Variants in FRMD5 observed in about 807,000 individuals in gnomAD.
FRMD5 encodes the protein FERM domain containing 5.
FRMD5 carries 20 observed loss-of-function variants against 69.0 expected under a neutral mutation model. The observed-to-expected ratio is 0.29, with a 90% CI of 0.20 to 0.42. The LOEUF (loss-of-function observed/expected upper bound fraction) is 0.42, where lower values mean the gene tolerates loss of function less well. Among genes scored for constraint, FRMD5 ranks in the 10% least tolerant of loss-of-function variants. The pLI is 1.00. For synonymous variants in FRMD5, 271 were observed against 260.1 expected (o/e 1.04, Z -0.40); for missense variants, 595 against 708.6 (o/e 0.84, Z 1.82).
chr15:44,059,678 AT>A (rs901906869), intron 1 of FRMD5, among the ~76,000 whole-genome samples: 8 of 148,652 alleles, frequency 5.4e-5, no homozygotes, highest in Non-Finnish European at 6.0e-5. Flanking sequence ...CGCCCAGCTA[AT>A]TTTTTTTTTG....
chr15:44,068,695 T>G (rs145717603), intron 1 of FRMD5, among the ~76,000 whole-genome samples: 2 of 152,330 alleles, frequency 1.3e-5, no homozygotes, highest in African/African-American at 4.8e-5. Context: ...TTTGTACAAC[T>G]TTATGAATAC....
chr15:43,956,582 T>C (rs192475524), intron 1 of FRMD5, among the ~76,000 whole-genome samples: 37 of 152,332 alleles, frequency 2.4e-4, no homozygotes, highest in African/African-American at 8.2e-4. Flanking sequence ...TCTCAAAAAG[T>C]CATTCAGTCT....
At chr15:44,015,872 ATTATT>A (rs1216832050) in intron 1 of FRMD5, among the ~76,000 whole-genome samples, 1 of 152,206 alleles carries the variant, frequency 6.6e-6, no homozygotes, top group Admixed American at 6.5e-5. Context: ...CTGCAGAATT[ATTATT>A]TTAAGTAAAT....
chr15:44,052,515 G>T (rs1053958771), intron 1 of FRMD5, among the ~76,000 whole-genome samples: 3 of 152,062 alleles, frequency 2.0e-5, no homozygotes, highest in African/African-American at 4.8e-5. Flanking sequence ...GGGTACTATT[G>T]CTTCCACAGC....
At chr15:44,087,417 T>A (rs1894244329) in intron 1 of FRMD5, among the ~76,000 whole-genome samples, 1 of 152,182 alleles carries the variant, frequency 6.6e-6, no homozygotes, top group Admixed American at 6.5e-5. Context: ...ACATATGCAA[T>A]GAATTCAGAG....
intron 1 of FRMD5, among the ~76,000 whole-genome samples, chr15:44,026,561 T>C (rs1891437824): frequency 6.6e-6 from 1 of 152,174 alleles, no homozygotes; most frequent in Non-Finnish European, 1.5e-5. Context: ...AGAACTGAAC[T>C]ACGAATCTGT....
chr15:44,179,558 T>C (rs868719018), intron 1 of FRMD5, among the ~76,000 whole-genome samples: 1 of 152,218 alleles, frequency 6.6e-6, no homozygotes, highest in Admixed American at 6.5e-5. Context: ...AGATCATAGA[T>C]GGAAGCAGTC....
At chr15:43,951,356 C>A (rs1015616576) in intron 1 of FRMD5, among the ~76,000 whole-genome samples, 8 of 150,124 alleles carry the variant, frequency 5.3e-5, no homozygotes, top group Admixed American at 3.3e-4. Context: ...CAGGAGGCGG[C>A]ACTTGCAGTG....
intron 1 of FRMD5, among the ~76,000 whole-genome samples, chr15:43,946,939 C>T (rs535236390): frequency 5.9e-5 from 9 of 152,262 alleles, no homozygotes; most frequent in South Asian, 2.1e-4. Flanking sequence ...CTTTAGAACA[C>T]CAGGTAACAC....
chr15:43,984,301 C>A (rs1276417274), intron 1 of FRMD5, among the ~76,000 whole-genome samples: 1 of 152,132 alleles, frequency 6.6e-6, no homozygotes, highest in Non-Finnish European at 1.5e-5. Flanking sequence ...TATATTCAAC[C>A]CCTACCCAAA....
At chr15:43,911,510 C>T (rs767538610) in intron 4 of FRMD5, among the ~76,000 whole-genome samples, 25 of 152,276 alleles carry the variant, frequency 1.6e-4, no homozygotes, top group Non-Finnish European at 3.1e-4. Context: ...AATGAAGTCC[C>T]CACCTCCAGT....
At chr15:44,150,625 CT>C (rs201159673) in intron 1 of FRMD5, among the ~76,000 whole-genome samples, 1,450 of 133,258 alleles carry the variant, frequency 0.011, 6 homozygotes, top group African/African-American at 0.017. Flanking sequence ...CTACAAAATT[CT>C]TTTTTTTTTT....
intron 1 of FRMD5, among the ~76,000 whole-genome samples, chr15:44,036,687 A>G (rs1230841026): frequency 6.6e-6 from 1 of 152,242 alleles, no homozygotes; most frequent in Non-Finnish European, 1.5e-5. Context: ...TAGCTTGTAG[A>G]TTCTCTTGGA....
At chr15:44,068,523 T>C (rs564676875) in intron 1 of FRMD5, among the ~76,000 whole-genome samples, 3 of 152,320 alleles carry the variant, frequency 2.0e-5, no homozygotes, top group South Asian at 2.1e-4. Flanking sequence ...TCCGTTTATA[T>C]GAAATGTCCA....
At chr15:43,923,540 T>G (rs1036195606) in intron 2 of FRMD5, among the ~76,000 whole-genome samples, 3 of 152,098 alleles carry the variant, frequency 2.0e-5, no homozygotes, top group Non-Finnish European at 4.4e-5. Flanking sequence ...AGGTGAAGGC[T>G]CTGTAAAGAA....
intron 1 of FRMD5, among the ~76,000 whole-genome samples, chr15:43,997,396 C>G (rs1344677294): frequency 6.6e-6 from 1 of 152,202 alleles, no homozygotes. Flanking sequence ...AAAAACGGAT[C>G]AAGCTCAAAA....
At position 44,040,188 on chromosome 15, in the gene FRMD5, T is replaced by G. The variant is rs528877629; in HGVS notation, c.103-115879A>C. ...TATGTGAGAAGACCAAATCTACATT[T>G]GATTGGTGTACCTGAAAGTAGCAGG... On this transcript the variant is annotated intron_variant, in intron 1 of 13. Coordinates refer to ENST00000417257, the MANE Select transcript of FRMD5 (RefSeq NM_032892.5). 1.8e-4 allele frequency among the ~76,000 whole-genome samples: 28 copies of G among 152,098 alleles called. No individual in the cohort carries two copies. The South Asian group carries it at 5.8e-3, about 32-fold the overall frequency.
intron 1 of FRMD5, among the ~76,000 whole-genome samples, chr15:43,924,765 CCTT>C (rs1339693793): frequency 3.3e-5 from 5 of 152,180 alleles, no homozygotes; most frequent in Non-Finnish European, 7.3e-5. Context: ...ACTGCCAGAG[CCTT>C]CTAACTGATC....
rs3742983 is a variant in FRMD5 at position 43,872,375 on chromosome 15, A to T, written c.*1510T>A. 3 of 152,168 alleles carry T rather than the reference A, an allele frequency of 2.0e-5. No individual in the cohort carries two copies. The highest frequency in any genetic ancestry group is 2.0e-4 in the Admixed American group (3 of 15,280). 9.4% of individuals were successfully genotyped at this position (152,168 alleles called of 1,614,324 possible). On this transcript the variant is annotated 3_prime_UTR_variant, in exon 14 of 14. Transcript: ENST00000417257. The stretch of plus-strand genomic sequence containing the variant: ...CAATTAGGGTATCAGCAGCTGCTCT[A>T]CTTTTGTGTGGGTCCAGGAATATGT...
Sources: gnomAD v4.1 joint callset for allele counts (sites outside exome capture counted in the v4.1 genomes callset) on GRCh38, gnomAD v4.1.1 for gene constraint, MANE v1.5 for transcripts, NCBI Gene and HGNC (gene_info 2026-07-23, HGNC 2026-07-21) for gene names.